The following AKAP6 variants were observed in gnomAD, a reference collection of about 807,000 sequenced individuals.
The protein encoded by AKAP6 is A-kinase anchor protein 6.
Under a neutral mutation model 188.5 loss-of-function variants are expected in AKAP6, and 58 were observed. The observed-to-expected ratio is 0.31, with a 90% CI of 0.25 to 0.38. The LOEUF is 0.38. Among genes scored for constraint, AKAP6 ranks in the 10% least tolerant of loss-of-function variants. The pLI, the probability that AKAP6 is intolerant of heterozygous loss-of-function variation, is 1.00. For synonymous variants in AKAP6, 989 were observed against 998.6 expected (o/e 0.99, Z 0.18); for missense variants, 2,710 against 2,740.0 (o/e 0.99, Z 0.24).
intron 12 of AKAP6, among the ~76,000 whole-genome samples, chr14:32,793,573 A>T (rs2033674169): frequency 6.6e-6 from 1 of 152,064 alleles, no homozygotes; most frequent in Admixed American, 6.6e-5. Flanking sequence ...ACACAATAAT[A>T]GTAGGAGACT....
At chr14:32,631,887 A>G (rs965214356) in intron 7 of AKAP6, among the ~76,000 whole-genome samples, 5 of 152,228 alleles carry the variant, frequency 3.3e-5, no homozygotes, top group African/African-American at 1.2e-4. Flanking sequence ...GTAGTAGATC[A>G]TTATAATACC....
intron 2 of AKAP6, 89 bp downstream of exon 2, chr14:32,433,906 A>T: frequency 1.0e-5 from 13 of 1,292,558 alleles, no homozygotes; most frequent in Non-Finnish European, 1.4e-5. Context: ...CCAGTGAGGA[A>T]TTGTCCAGGA....
intron 1 of AKAP6, among the ~76,000 whole-genome samples, chr14:32,387,468 T>G (rs1888569816): frequency 6.8e-6 from 1 of 147,986 alleles, no homozygotes; most frequent in Admixed American, 6.8e-5. Flanking sequence ...ATATTTATCA[T>G]TTTTTATTTT....
intron 11 of AKAP6, among the ~76,000 whole-genome samples, chr14:32,738,608 G>A (rs2031542334): frequency 6.6e-6 from 1 of 152,064 alleles, no homozygotes; most frequent in African/African-American, 2.4e-5. Flanking sequence ...TTATCTTTAT[G>A]AATGAAGAAT....
intron 1 of AKAP6, among the ~76,000 whole-genome samples, chr14:32,387,348 G>C (rs1293910372): frequency 6.6e-6 from 1 of 151,952 alleles, no homozygotes; most frequent in Non-Finnish European, 1.5e-5. Flanking sequence ...AGTGATGAGA[G>C]TAGGCATTCT....
chr14:32,663,130 A>G (rs549996130), intron 7 of AKAP6, among the ~76,000 whole-genome samples: 1 of 152,068 alleles, frequency 6.6e-6, no homozygotes, highest in South Asian at 2.1e-4. Context: ...TAGTGCTTAT[A>G]TTTCCCACAT....
At chr14:32,640,187 T>G (rs975108372) in intron 7 of AKAP6, among the ~76,000 whole-genome samples, 2 of 152,122 alleles carry the variant, frequency 1.3e-5, no homozygotes, top group African/African-American at 4.8e-5. Context: ...AAATAAGATC[T>G]GTAGCTCCTA....
chr14:32,768,189 G>A (rs2032777393), intron 11 of AKAP6, among the ~76,000 whole-genome samples: 1 of 152,118 alleles, frequency 6.6e-6, no homozygotes, highest in African/African-American at 2.4e-5. Context: ...AAGCATAGAG[G>A]TACCAGAATA....
chr14:32,670,096 C>CAAAA (rs35146450), intron 7 of AKAP6, among the ~76,000 whole-genome samples: 2 of 54,798 alleles, frequency 3.6e-5, no homozygotes, highest in African/African-American at 6.6e-5. Flanking sequence ...GACTCTGTCT[C>CAAAA]AAAAAAAAAA....
chr14:32,578,481 T>C (rs969972010), intron 5 of AKAP6, among the ~76,000 whole-genome samples: 1 of 152,134 alleles, frequency 6.6e-6, no homozygotes, highest in Non-Finnish European at 1.5e-5. Flanking sequence ...CTGTCCTTAG[T>C]ACTCATTTCC....
intron 9 of AKAP6, among the ~76,000 whole-genome samples, chr14:32,721,658 G>A (rs1190912217): frequency 3.3e-5 from 5 of 152,280 alleles, no homozygotes; most frequent in African/African-American, 7.2e-5. Context: ...TACATTTTAT[G>A]TGGTTGTGTC....
At chr14:32,605,668 G>C (rs1886099617) in intron 7 of AKAP6, among the ~76,000 whole-genome samples, 1 of 152,168 alleles carries the variant, frequency 6.6e-6, no homozygotes, top group African/African-American at 2.4e-5. Context: ...CTAAAAGCTG[G>C]ATTTGGCTTC....
chr14:32,596,521 A>T (rs1204855593), intron 5 of AKAP6, among the ~76,000 whole-genome samples: 1 of 152,134 alleles, frequency 6.6e-6, no homozygotes, highest in East Asian at 1.9e-4. Context: ...TTTTCTAGTC[A>T]TTCATCTACG....
chr14:32,657,850 A>G (rs1487913188), intron 7 of AKAP6, among the ~76,000 whole-genome samples: 1 of 151,962 alleles, frequency 6.6e-6, no homozygotes, highest in Non-Finnish European at 1.5e-5. Context: ...AAAAAAATCT[A>G]TACAGCATAT....
At chr14:32,762,065 TG>T (rs1031566332) in intron 11 of AKAP6, among the ~76,000 whole-genome samples, 2 of 152,100 alleles carry the variant, frequency 1.3e-5, no homozygotes, top group African/African-American at 4.8e-5. Context: ...AGTGTGATTG[TG>T]GGGTTTTAAG....
Position 32,510,390 on chromosome 14 carries a change from A to ATG in AKAP6, c.325-25160_325-25159dup, listed in dbSNP as rs1555335102. Among the ~76,000 whole-genome samples the ATG allele has an allele frequency of 5.3e-3, 327 of 61,368 alleles. 7 individuals carry two copies. The highest frequency in any genetic ancestry group is 5.9e-3 in the Non-Finnish European group (181 of 30,520). 40.3% of individuals were successfully genotyped at this position (61,368 alleles called of 152,430 possible). The stretch of plus-strand genomic sequence containing the variant: ...TGTGTATATATATGTGTATATATAT[A>ATG]TGTGTATATATATGTATATATATGT... On this transcript the variant is annotated intron_variant, in intron 2 of 13. Transcript: ENST00000280979.
chr14:32,622,629 C>T (rs980798669), intron 7 of AKAP6, among the ~76,000 whole-genome samples: 3 of 152,064 alleles, frequency 2.0e-5, no homozygotes, highest in Non-Finnish European at 1.5e-5. Flanking sequence ...ATGAAATTAT[C>T]GGAGTTGGTT....
intron 11 of AKAP6, among the ~76,000 whole-genome samples, chr14:32,754,840 C>T (rs558207837): frequency 5.9e-5 from 9 of 152,280 alleles, no homozygotes; most frequent in South Asian, 4.1e-4. Context: ...TTTCCTGCCC[C>T]GCAAAGTTTC....
At chr14:32,367,218 C>T (rs761337467) in intron 1 of AKAP6, among the ~76,000 whole-genome samples, 3 of 152,156 alleles carry the variant, frequency 2.0e-5, no homozygotes, top group Admixed American at 6.5e-5. Flanking sequence ...CAACAAAAAG[C>T]CTCCAAAACA....
Sources: gnomAD v4.1 joint callset for allele counts (sites outside exome capture counted in the v4.1 genomes callset) on GRCh38, gnomAD v4.1.1 for gene constraint, MANE v1.5 for transcripts, NCBI Gene and HGNC (gene_info 2026-07-23, HGNC 2026-07-21) for gene names.